The following HECW2 variants were observed in gnomAD, a reference collection of about 807,000 sequenced individuals.
The protein encoded by HECW2 is E3 ubiquitin-protein ligase HECW2.
In HECW2, 61 loss-of-function variants were observed where a neutral mutation model predicts 175.2. That is an observed-to-expected ratio of 0.35 (90% CI 0.28 to 0.43). The LOEUF (loss-of-function observed/expected upper bound fraction) is 0.43, where lower values mean the gene tolerates loss of function less well. Ranked by LOEUF, HECW2 falls within the 20% of genes least tolerant of loss-of-function variation. The pLI, the probability that HECW2 is intolerant of heterozygous loss-of-function variation, is 1.00. For synonymous variants in HECW2, 671 were observed against 731.0 expected (o/e 0.92, Z 1.32); for missense variants, 1,524 against 2,000.5 (o/e 0.76, Z 4.54).
chr2:196,401,991 G>A (rs547941694), intron 2 of HECW2, among the ~76,000 whole-genome samples: 9 of 151,970 alleles, frequency 5.9e-5, no homozygotes, highest in Non-Finnish European at 1.3e-4. Flanking sequence ...ACAAGGTCAG[G>A]AGATCGAGAC....
chr2:196,340,141 T>C (rs1242106051), intron 3 of HECW2, among the ~76,000 whole-genome samples: 1 of 152,202 alleles, frequency 6.6e-6, no homozygotes, highest in Admixed American at 6.5e-5. Context: ...CAAACATTTT[T>C]AAATACTTTG....
At position 196,208,499 on chromosome 2, in the gene HECW2, T is replaced by C. The variant is rs142276530; in HGVS notation, c.4608-7111A>G. ...ATTATACTCCAGAGGAGGAGACAGA[T>C]AATCAACAAGTAAACCAATAACTGA... On this transcript the variant is annotated intron_variant, in intron 28 of 28. Transcript: ENST00000644978. 8.3e-3 allele frequency among the ~76,000 whole-genome samples: 1,260 copies of C among 152,322 alleles called. 12 individuals are homozygous for C. The highest frequency in any genetic ancestry group is 0.017 in the African/African-American group (700 of 41,562).
intron 10 of HECW2, among the ~76,000 whole-genome samples, chr2:196,312,285 A>T (rs1691526699): frequency 6.6e-6 from 1 of 152,174 alleles, no homozygotes; most frequent in Non-Finnish European, 1.5e-5. Flanking sequence ...ATTGGTTATC[A>T]TTGGATTTAG....
intron 1 of HECW2, among the ~76,000 whole-genome samples, chr2:196,537,202 G>A (rs575507277): frequency 1.1e-4 from 16 of 152,088 alleles, no homozygotes; most frequent in Non-Finnish European, 1.5e-4. Context: ...CACTACAATA[G>A]AGTTTCCAGG....
intron 1 of HECW2, among the ~76,000 whole-genome samples, chr2:196,585,734 G>A (rs1459960449): frequency 2.0e-5 from 3 of 152,040 alleles, no homozygotes; most frequent in African/African-American, 4.8e-5. Flanking sequence ...AGGGGTGGGG[G>A]CCTATACGGA....
chr2:196,215,773 T>C, intron 28 of HECW2, 92 bp downstream of exon 28: 2 of 895,828 alleles, frequency 2.2e-6, no homozygotes, highest in South Asian at 3.2e-5. Flanking sequence ...TCCCAAACTT[T>C]TAATATAAAA....
At chr2:196,313,716 C>T (rs78233940) in intron 10 of HECW2, among the ~76,000 whole-genome samples, 12,410 of 152,052 alleles carry the variant, frequency 0.082, 547 homozygotes, top group East Asian at 0.13. Context: ...TGAAAAGGTG[C>T]TAAAATAACA....
At chr2:196,481,418 C>T (rs1190844864) in intron 1 of HECW2, among the ~76,000 whole-genome samples, 1 of 152,174 alleles carries the variant, frequency 6.6e-6, no homozygotes, top group Non-Finnish European at 1.5e-5. Context: ...AGCATAAATG[C>T]TTTGGAAAAA....
intron 17 of HECW2, among the ~76,000 whole-genome samples, chr2:196,262,336 C>T (rs1003376929): frequency 1.3e-5 from 2 of 151,802 alleles, no homozygotes; most frequent in Non-Finnish European, 2.9e-5. Flanking sequence ...AGCCTGGCTT[C>T]TTCTTAACAA....
At chr2:196,308,170 T>C in intron 10 of HECW2, 85 bp from the exon 11 acceptor site, 1 of 1,034,408 alleles carries the variant, frequency 9.7e-7, no homozygotes, top group African/African-American at 1.6e-5. Context: ...ATGTGTTTTC[T>C]TTCTCTGACA....
chr2:196,420,849 A>C (rs867718096), intron 2 of HECW2, among the ~76,000 whole-genome samples: 22 of 152,136 alleles, frequency 1.4e-4, no homozygotes, highest in African/African-American at 2.9e-4. Flanking sequence ...AAAAAAACAC[A>C]ATAATAATAG....
chr2:196,214,999 C>T (rs543537307), intron 28 of HECW2, among the ~76,000 whole-genome samples: 4 of 152,296 alleles, frequency 2.6e-5, no homozygotes, highest in African/African-American at 7.2e-5. Context: ...CATTTAATCT[C>T]TCTAGAGTAT....
intron 1 of HECW2, among the ~76,000 whole-genome samples, chr2:196,571,415 T>C (rs79749146): frequency 0.013 from 1,915 of 152,186 alleles, 40 homozygotes; most frequent in African/African-American, 0.044. Context: ...CTATTAAAAA[T>C]TATCAAGTTG....
chr2:196,580,430 A>G (rs1370919152), intron 1 of HECW2, among the ~76,000 whole-genome samples: 1 of 152,236 alleles, frequency 6.6e-6, no homozygotes, highest in African/African-American at 2.4e-5. Flanking sequence ...TGCAAGGCAT[A>G]TATCTCTTAA....
At chr2:196,518,076 T>A (rs1173162019) in intron 1 of HECW2, among the ~76,000 whole-genome samples, 1 of 152,080 alleles carries the variant, frequency 6.6e-6, no homozygotes, top group Non-Finnish European at 1.5e-5. Context: ...TTAACACACC[T>A]GGGATTAAAT....
At chr2:196,262,712 T>C (rs1689348677) in intron 17 of HECW2, among the ~76,000 whole-genome samples, 1 of 152,066 alleles carries the variant, frequency 6.6e-6, no homozygotes, top group African/African-American at 2.4e-5. Context: ...ATTACAGGAA[T>C]GCGCCACCAT....
chr2:196,252,360 G>A (rs547785347), intron 19 of HECW2, among the ~76,000 whole-genome samples: 10 of 151,894 alleles, frequency 6.6e-5, no homozygotes, highest in African/African-American at 2.4e-4. Flanking sequence ...ACCTGATATG[G>A]TTTTTTTGGA....
At position 196,319,284 on chromosome 2, in the gene HECW2, G is replaced by C; in HGVS notation, c.1606C>G (p.Leu536Val). ...FEDKPENLPELAESSLPAGPA... is the reference protein window; with the variant it reads ...FEDKPENLPEVAESSLPAGPA... ...CCTGCAGGTAAGGAGCTCTCTGCAA[G>C]CTCTGGAAGATTTTCTGGCTTATCC... The change falls in exon 9 of 29, where the codon CTT becomes GTT. Residue 536 changes from leucine to valine, a missense_variant. By Grantham distance (32) the Leu-to-Val change is conservative. Around this residue, in one of 11 missense-constraint regions of HECW2, gnomAD observed 604 missense variants for 588.3 expected, o/e 1.03. Transcript: ENST00000644978. 6.2e-7 allele frequency: 1 copy of C among 1,610,864 alleles called. No homozygotes were observed. Among genetic ancestry groups the C allele is most frequent in the African/African-American group, 1.3e-5 (1 of 74,922 alleles).
chr2:196,252,431 GT>G (rs1380756473), intron 19 of HECW2, among the ~76,000 whole-genome samples: 2 of 152,050 alleles, frequency 1.3e-5, no homozygotes, highest in Non-Finnish European at 2.9e-5. Flanking sequence ...GTAGGGCCTT[GT>G]GGGGGGTGTT....
Sources: allele counts gnomAD v4.1 joint callset (sites outside exome capture counted in the v4.1 genomes callset), GRCh38; gene constraint gnomAD v4.1.1; regional missense constraint gnomAD v4.1.1; transcripts MANE v1.5; gene names NCBI Gene and HGNC (gene_info 2026-07-23, HGNC 2026-07-21).